ITGA5: variants seen among roughly 807,000 people sequenced by gnomAD.
ITGA5 encodes integrin alpha-5.
Under a neutral mutation model 146.3 loss-of-function variants are expected in ITGA5, and 55 were observed. The observed-to-expected ratio is 0.38, with a 90% CI of 0.30 to 0.47. The LOEUF is 0.47. Among genes scored for constraint, ITGA5 ranks in the 20% least tolerant of loss-of-function variants. ITGA5 has a pLI of 0.99. For synonymous variants in ITGA5, 500 were observed against 531.8 expected, an observed-to-expected ratio of 0.94 and a Z score of 0.82; for missense variants, 1,131 against 1,329.0, an observed-to-expected ratio of 0.85 and a Z score of 2.32.
chr12:54,412,065 G>A, intron 1 of ITGA5, 101 bp from the exon 2 acceptor site: 1 of 950,798 alleles, frequency 1.1e-6, no homozygotes, highest in Non-Finnish European at 1.5e-6. Flanking sequence ...GCTGGCTGGG[G>A]GTGGAGTAGA....
Position 54,405,256 on chromosome 12 carries a change from G to A in ITGA5, c.1135C>T (p.Pro379Ser), listed in dbSNP as rs1305670758. The A allele has an allele frequency of 1.9e-6, 3 of 1,613,878 alleles. No homozygotes were observed. The highest frequency in any genetic ancestry group is 1.3e-5 in the African/African-American group (1 of 74,932). ...LQHPAGIEPT[P>S]TLTLTGHDEF... Reference sequence around the variant, plus strand: ...TCATGGCCAGTGAGGGTAAGGGTGGGCGTGGGCTCTATGCCGGCTGGGTGC... The same window carrying A: ...TCATGGCCAGTGAGGGTAAGGGTGGACGTGGGCTCTATGCCGGCTGGGTGC... The change falls in exon 12 of 30, where the codon CCC (proline) becomes TCC (serine). Residue 379 changes from proline to serine, a missense_variant. This residue lies in a region of ITGA5 where 889 missense variants were observed against 1,021.5 expected (regional missense o/e 0.87). Coordinates refer to ENST00000293379, the MANE Select transcript of ITGA5 (RefSeq NM_002205.5).
In ITGA5 at chr12:54,404,255, A is replaced by G; in HGVS notation, c.1464-9T>C. On this transcript the variant is annotated splice_polypyrimidine_tract_variant and intron_variant, in intron 14 of 29. Transcript: ENST00000293379. ...ACACGATGGGGCGGCCCCTGCCAAGAGTGAATGTGGGGTCAATAGAATTAG... is the reference window on the plus strand; with the variant it reads ...ACACGATGGGGCGGCCCCTGCCAAGGGTGAATGTGGGGTCAATAGAATTAG... The G allele has an allele frequency of 1.9e-6, 3 of 1,597,464 alleles. No individual in the cohort carries two copies. The highest frequency in any genetic ancestry group is 2.6e-6 in the Non-Finnish European group (3 of 1,172,036).
At position 54,416,098 on chromosome 12, in the gene ITGA5, C is replaced by G. The variant is rs569146847; in HGVS notation, c.218+2883G>C. Among the ~76,000 whole-genome samples the G allele has an allele frequency of 5.3e-5, 8 of 152,334 alleles. No homozygotes were observed. The East Asian group carries it at 1.5e-3, about 29-fold the overall frequency. ...TGTTTTTTTGAGATGGAGTCTCACT[C>G]TGTCGCCCAGTCTGGGGTCGCTCAG... On this transcript the variant is annotated intron_variant, in intron 1 of 29. Coordinates refer to ENST00000293379, the MANE Select transcript of ITGA5 (RefSeq NM_002205.5). The surrounding 1 kb of genome is among the most constrained non-coding windows in gnomAD (Gnocchi z 4.1).
In ITGA5 at chr12:54,398,579, C is replaced by T. The variant is rs757866345; in HGVS notation, c.2943+18G>A. 2 of 1,583,778 alleles carry T rather than the reference C, an allele frequency of 1.3e-6. No individual in the cohort carries two copies. Among genetic ancestry groups the T allele is most frequent in the African/African-American group, 2.7e-5 (2 of 73,998 alleles). On this transcript the variant is annotated intron_variant, in intron 28 of 29. Coordinates refer to ENST00000293379, the MANE Select transcript of ITGA5 (RefSeq NM_002205.5). ...GAGCCCTGTATTCCCTCATCCAGTCCTCTGGCCCTAGACTCACCTGACGCT... is the reference window on the plus strand; with the variant it reads ...GAGCCCTGTATTCCCTCATCCAGTCTTCTGGCCCTAGACTCACCTGACGCT...
Position 54,399,742 on chromosome 12 carries a change from T to A in ITGA5, c.2744A>T (p.Glu915Val). 1 of 1,614,138 alleles carries A rather than the reference T, an allele frequency of 6.2e-7. No homozygotes were observed. Among genetic ancestry groups the A allele is most frequent in the Non-Finnish European group, 8.5e-7 (1 of 1,179,982 alleles). The part of the protein sequence containing the change: ...GPQILKCPEA[E>V]CFRLRCELGP... ...GAGCTCACAGCGCAGCCTGAAACAC[T>A]CAGCCTCCGGGCATTTCTAGGAAGA... Residue 915 changes from glutamate (E) to valine (V), a missense_variant, in exon 27 of 30, where the codon GAG (glutamate) becomes GTG (valine). This residue lies in a region of ITGA5 where 889 missense variants were observed against 1,021.5 expected (regional missense o/e 0.87). Coordinates refer to ENST00000293379, the MANE Select transcript of ITGA5 (RefSeq NM_002205.5).
Position 54,409,179 on chromosome 12 carries a change from C to T in ITGA5, c.583+53G>A, listed in dbSNP as rs945542830. Reference sequence around the variant, plus strand: ...GAGTCAACCCTAAGTATGTGAGACACTTCAAGTATATGAGAAGGCAGACAT... The same window carrying T: ...GAGTCAACCCTAAGTATGTGAGACATTTCAAGTATATGAGAAGGCAGACAT... On this transcript the variant is annotated intron_variant, in intron 4 of 29. Transcript: ENST00000293379. This position sits in a 1 kb window ranked among gnomAD's most constrained non-coding sequence, Gnocchi z 4.7. 5.7e-6 allele frequency: 9 copies of T among 1,580,750 alleles called. No homozygotes were observed. Among genetic ancestry groups the T allele is most frequent in the African/African-American group, 5.4e-5 (4 of 73,830 alleles).
chr12:54,396,189 C>T lies in ITGA5; in HGVS notation c.*104G>A, dbSNP rs567594347. On this transcript the variant is annotated 3_prime_UTR_variant, in exon 30 of 30. Coordinates refer to ENST00000293379, the MANE Select transcript of ITGA5 (RefSeq NM_002205.5). ...TCTGGGCTGGGGAGAGGAGCTTCTC[C>T]CTGGCCGTCAGCACCTTCAAGAAGT... 9 of 892,080 alleles carry T rather than the reference C, an allele frequency of 1.0e-5. No homozygotes were observed. The highest frequency in any genetic ancestry group is 4.4e-5 in the Admixed American group (2 of 45,964). 55.3% of individuals were successfully genotyped at this position (892,080 alleles called of 1,614,324 possible). A position where few individuals can be genotyped will look rare whatever the true frequency, so the allele number is the denominator to read the frequency against.
rs1254212319 is a variant in ITGA5 at position 54,404,017 on chromosome 12, C to T, written c.1566-51G>A. 1.0e-5 allele frequency: 16 copies of T among 1,599,384 alleles called. No homozygotes were observed. In the African/African-American group the frequency reaches 1.3e-4, roughly 13 times the overall value. Reference sequence around the variant, plus strand: ...GGTGAATCCAACTGGAACAGACATCCTATCCTCTACCTATCTCCCAGCCAG... The same window carrying T: ...GGTGAATCCAACTGGAACAGACATCTTATCCTCTACCTATCTCCCAGCCAG... On this transcript the variant is annotated intron_variant, in intron 15 of 29. Transcript: ENST00000293379.
intron 27 of ITGA5, 87 bp downstream of exon 27, chr12:54,399,558 G>A: frequency 1.1e-6 from 1 of 905,848 alleles, no homozygotes; most frequent in Non-Finnish European, 1.8e-6. Context: ...CACCAAAGGA[G>A]AGGTGGCTAC....
chr12:54,402,413 G>A (rs1239593317), intron 19 of ITGA5, 83 bp from the exon 20 acceptor site: 40 of 1,333,684 alleles, frequency 3.0e-5, no homozygotes, highest in African/African-American at 5.8e-5. Context: ...GTAGTAATAC[G>A]AGGCCGGGTG....
intron 1 of ITGA5, among the ~76,000 whole-genome samples, chr12:54,418,302 G>A (rs1454089095): frequency 6.6e-6 from 1 of 150,452 alleles, no homozygotes; most frequent in Non-Finnish European, 1.5e-5. Context: ...CAGGGTCCCC[G>A]CACTCGCCCC....
Position 54,403,843 on chromosome 12 carries a change from TGTCCCCAG to T in ITGA5, c.1621+60_1622-65del, listed in dbSNP as rs1955823355. ...TCCTCATCTTTTCAGAGAGAAGAAA[TGTCCCCAG>T]GTCCCCAGTCCCTTCATTCTCTGTC... On this transcript the variant is annotated intron_variant, in intron 16 of 29. Coordinates refer to ENST00000293379, the MANE Select transcript of ITGA5 (RefSeq NM_002205.5). The surrounding 1 kb of genome is among the most constrained non-coding windows in gnomAD (Gnocchi z 4.9). The T allele has an allele frequency of 6.8e-6, 11 of 1,609,786 alleles. No individual in the cohort carries two copies. The highest frequency in any genetic ancestry group is 9.4e-6 in the Non-Finnish European group (11 of 1,176,392).
intron 10 of ITGA5, 61 bp from the exon 11 acceptor site, chr12:54,405,777 GA>G: frequency 6.2e-7 from 1 of 1,604,752 alleles, no homozygotes; most frequent in Non-Finnish European, 8.5e-7. Flanking sequence ...ACAGGATCAA[GA>G]GGGGCTGGGA....
intron 25 of ITGA5, chr12:54,400,219 A>C: frequency 2.2e-6 from 1 of 463,682 alleles, no homozygotes; most frequent in Non-Finnish European, 3.9e-6. Context: ...CTTGGTTTGG[A>C]ATGCTCATCC....
intron 1 of ITGA5, chr12:54,412,220 T>G (rs567330377): frequency 5.8e-6 from 2 of 344,322 alleles, no homozygotes; most frequent in African/African-American, 4.2e-5. Context: ...CCTTATCCTG[T>G]TCATAAAGAG....
rs1287942023 is a variant in ITGA5 at position 54,408,022 on chromosome 12, G to A, written c.817+88C>T. ...TATGGCAGGGGTGCTGGGGATGCCT[G>A]AGTAGGAGAGGGGAGGCGAGGGGGT... On this transcript the variant is annotated intron_variant, in intron 7 of 29. Coordinates refer to ENST00000293379, the MANE Select transcript of ITGA5 (RefSeq NM_002205.5). 21 of 1,564,700 alleles carry A rather than the reference G, an allele frequency of 1.3e-5. No homozygotes were observed. In the East Asian group the frequency reaches 3.6e-4, roughly 27 times the overall value.
intron 8 of ITGA5, 39 bp downstream of exon 8, chr12:54,407,793 C>T (rs141900260): frequency 2.5e-6 from 4 of 1,610,222 alleles, no homozygotes; most frequent in East Asian, 2.2e-5. Context: ...TGCCTCTAAC[C>T]ATCCCCCTCC....
chr12:54,404,358 C>G, intron 14 of ITGA5, 72 bp downstream of exon 14: 1 of 1,581,660 alleles, frequency 6.3e-7, no homozygotes, highest in Non-Finnish European at 8.7e-7. Context: ...TTTTCCCAAC[C>G]TCAGCTCTGT....
chr12:54,399,561 G>A (rs1231398657), intron 27 of ITGA5, 84 bp downstream of exon 27: 3 of 929,050 alleles, frequency 3.2e-6, no homozygotes, highest in Non-Finnish European at 5.3e-6. Flanking sequence ...CAAAGGAGAG[G>A]TGGCTACTGC....
Sources: gnomAD v4.1 joint callset for allele counts (sites outside exome capture counted in the v4.1 genomes callset) on GRCh38, gnomAD v4.1.1 for gene constraint, gnomAD v4.1.1 regional missense constraint, Gnocchi (gnomAD v3.1) non-coding constraint, MANE v1.5 for transcripts, NCBI Gene and HGNC (gene_info 2026-07-23, HGNC 2026-07-21) for gene names.